The following SPRED1 variants were observed in gnomAD, a reference collection of about 807,000 sequenced individuals.
The protein encoded by SPRED1 is sprouty-related, EVH1 domain-containing protein 1.
Under a neutral mutation model 52.3 loss-of-function variants are expected in SPRED1, and 18 were observed. That is an observed-to-expected ratio of 0.34 (90% CI 0.24 to 0.51). The LOEUF (loss-of-function observed/expected upper bound fraction) is 0.51, where lower values mean the gene tolerates loss of function less well. Ranked by LOEUF, SPRED1 falls within the 20% of genes least tolerant of loss-of-function variation. The pLI, the probability that SPRED1 is intolerant of heterozygous loss-of-function variation, is 0.97. For synonymous variants in SPRED1, 155 were observed against 179.7 expected (o/e 0.86, Z 1.10); for missense variants, 485 against 551.0 (o/e 0.88, Z 1.20).
intron 5 of SPRED1, among the ~76,000 whole-genome samples, chr15:38,340,605 T>C (rs1374627931): frequency 2.6e-5 from 4 of 152,134 alleles, no homozygotes; most frequent in Admixed American, 2.0e-4. Flanking sequence ...TGATCTTGGC[T>C]CACTGCAACC....
chr15:38,341,236 A>G (rs28539963), intron 5 of SPRED1, among the ~76,000 whole-genome samples: 32,256 of 151,824 alleles, frequency 0.21, 3,964 homozygotes, highest in South Asian at 0.27. Flanking sequence ...GGGTTGATAA[A>G]TTTTAGCCTT....
intron 1 of SPRED1, among the ~76,000 whole-genome samples, chr15:38,285,815 C>T (rs1287697117): frequency 6.6e-6 from 1 of 152,170 alleles, no homozygotes; most frequent in Non-Finnish European, 1.5e-5. Flanking sequence ...CCCAGAATAG[C>T]CCATCGGTAT....
chr15:38,267,619 G>A (rs1894337715), intron 1 of SPRED1, among the ~76,000 whole-genome samples: 2 of 152,144 alleles, frequency 1.3e-5, no homozygotes, highest in Non-Finnish European at 2.9e-5. Context: ...TCATATATGA[G>A]TAAGTAACAG....
rs888585871 is a variant in SPRED1, at chr15:38,252,904, C to G, written c.-282C>G. 1.8e-6 allele frequency: 1 copy of G among 548,766 alleles called. No individual in the cohort carries two copies. The highest frequency in any genetic ancestry group is 1.9e-5 in the African/African-American group (1 of 52,132). The allele number at this position is 548,766 out of a possible 1,614,324, so 34.0% of individuals were successfully genotyped here. On this transcript the variant is annotated 5_prime_UTR_variant, in exon 1 of 7. Coordinates refer to ENST00000299084, the MANE Select transcript of SPRED1 (RefSeq NM_152594.3). Reference sequence around the variant, plus strand: ...GCCTTTGCAGCCCCTCTCTTTTTCCCTTTCCACCGGGCCTCCTCGGATCCC... The same window carrying G: ...GCCTTTGCAGCCCCTCTCTTTTTCCGTTTCCACCGGGCCTCCTCGGATCCC...
Position 38,292,534 on chromosome 15 carries a change from G to A in SPRED1, c.33-6839G>A, listed in dbSNP as rs192680500. ...GCTGGGGAGGCCTCAGAATCATGGT[G>A]GGAGGCGAAAGGCATTTATATGATG... On this transcript the variant is annotated intron_variant, in intron 1 of 6. Coordinates refer to ENST00000299084, the MANE Select transcript of SPRED1 (RefSeq NM_152594.3). 3.9e-3 allele frequency among the ~76,000 whole-genome samples: 601 copies of A among 152,240 alleles called. 2 individuals are homozygous for A. The highest frequency in any genetic ancestry group is 0.013 in the African/African-American group (559 of 41,544).
intron 1 of SPRED1, among the ~76,000 whole-genome samples, chr15:38,292,415 A>G (rs1324900064): frequency 6.6e-6 from 1 of 152,132 alleles, no homozygotes; most frequent in Non-Finnish European, 1.5e-5. Context: ...ACTGGTACCA[A>G]TTTACTGTAT....
chr15:38,291,913 T>C (rs1226685259), intron 1 of SPRED1, among the ~76,000 whole-genome samples: 5 of 152,240 alleles, frequency 3.3e-5, no homozygotes, highest in Non-Finnish European at 5.9e-5. Context: ...GGCTCCTTTC[T>C]ACTTAAGCAA....
chr15:38,287,131 T>A (rs140968350), intron 1 of SPRED1, among the ~76,000 whole-genome samples: 6 of 152,272 alleles, frequency 3.9e-5, no homozygotes, highest in African/African-American at 1.4e-4. Flanking sequence ...TAATAAGGCC[T>A]TTATTCTAGA....
intron 1 of SPRED1, among the ~76,000 whole-genome samples, chr15:38,258,593 G>T (rs1270963202): frequency 1.3e-5 from 2 of 152,122 alleles, no homozygotes; most frequent in African/African-American, 2.4e-5. Flanking sequence ...CTCTAGAAAA[G>T]AAGTATTTAG....
intron 1 of SPRED1, among the ~76,000 whole-genome samples, chr15:38,274,288 A>G (rs1894501075): frequency 2.0e-5 from 3 of 152,196 alleles, no homozygotes; most frequent in Admixed American, 2.0e-4. Flanking sequence ...CTTCCCACAG[A>G]CTGGAAGGTG....
At chr15:38,279,814 A>G (rs1372450317) in intron 1 of SPRED1, among the ~76,000 whole-genome samples, 1 of 152,214 alleles carries the variant, frequency 6.6e-6, no homozygotes, top group Non-Finnish European at 1.5e-5. Flanking sequence ...TAGAATAAGA[A>G]CTAGGTAATA....
intron 2 of SPRED1, among the ~76,000 whole-genome samples, chr15:38,312,739 A>C (rs1895394022): frequency 6.6e-6 from 1 of 151,970 alleles, no homozygotes; most frequent in African/African-American, 2.4e-5. Flanking sequence ...GTTTTTTAGG[A>C]AATTGGCTTG....
At chr15:38,299,687 T>A in intron 2 of SPRED1, 140 bp downstream of exon 2, 1 of 879,960 alleles carries the variant, frequency 1.1e-6, no homozygotes, top group South Asian at 1.5e-5. Flanking sequence ...TTAAAGGCAG[T>A]GAAATACAAC....
intron 1 of SPRED1, among the ~76,000 whole-genome samples, chr15:38,281,266 C>T (rs568783987): frequency 2.0e-5 from 3 of 152,232 alleles, no homozygotes; most frequent in East Asian, 3.9e-4. Flanking sequence ...TTGGGAGCTT[C>T]CTATAGTTAT....
At chr15:38,307,182 G>C (rs1445412956) in intron 2 of SPRED1, among the ~76,000 whole-genome samples, 1 of 152,076 alleles carries the variant, frequency 6.6e-6, no homozygotes, top group South Asian at 2.1e-4. Flanking sequence ...ATTATAATTT[G>C]AATGTGTCAT....
intron 2 of SPRED1, among the ~76,000 whole-genome samples, chr15:38,309,730 C>A (rs566781080): frequency 6.6e-6 from 1 of 152,218 alleles, no homozygotes; most frequent in East Asian, 1.9e-4. Flanking sequence ...AATAGTTTCA[C>A]CTTTTACATT....
At chr15:38,292,670 G>C (rs1364025032) in intron 1 of SPRED1, among the ~76,000 whole-genome samples, 1 of 152,180 alleles carries the variant, frequency 6.6e-6, no homozygotes, top group African/African-American at 2.4e-5. Flanking sequence ...CGGCCCCCAT[G>C]ATTCAATTAA....
rs1422648620 is a variant in SPRED1, at chr15:38,351,548, C to A, written c.1219C>A (p.Leu407Met). 1 of 1,614,144 alleles carries A rather than the reference C, an allele frequency of 6.2e-7. No individual in the cohort carries two copies. Among genetic ancestry groups the A allele is most frequent in the Non-Finnish European group, 8.5e-7 (1 of 1,180,012 alleles). ...DDKFCLRWLA[L>M]VALSFIVPCM... Reference sequence around the variant, plus strand: ...CAAGTTCTGCTTGCGATGGTTAGCCCTGGTAGCTTTGTCTTTCATTGTACC... The same window carrying A: ...CAAGTTCTGCTTGCGATGGTTAGCCATGGTAGCTTTGTCTTTCATTGTACC... Residue 407 changes from leucine to methionine, a missense_variant, in exon 7 of 7, where the codon CTG becomes ATG. By Grantham distance (15) the Leu-to-Met change is conservative. Transcript: ENST00000299084.
intron 5 of SPRED1, among the ~76,000 whole-genome samples, chr15:38,343,610 A>C: frequency 6.6e-6 from 1 of 152,086 alleles, no homozygotes; most frequent in Non-Finnish European, 1.5e-5. Context: ...AGAACAAAAA[A>C]ACTTCTAGAT....
Sources: gnomAD v4.1 joint callset for allele counts (sites outside exome capture counted in the v4.1 genomes callset) on GRCh38, gnomAD v4.1.1 for gene constraint, MANE v1.5 for transcripts, NCBI Gene and HGNC (gene_info 2026-07-23, HGNC 2026-07-21) for gene names.